The following ERCC3 variants were observed in gnomAD, a reference collection of about 807,000 sequenced individuals.
ERCC3 encodes the protein ERCC excision repair 3, TFIIH core complex helicase subunit, also known as general transcription and DNA repair factor IIH helicase/translocase subunit XPB.
Under a neutral mutation model 94.2 loss-of-function variants are expected in ERCC3, and 66 were observed. The ratio of observed to expected loss-of-function variants is 0.70; its 90% confidence interval spans 0.57 to 0.86. The LOEUF is 0.86. Ranked by LOEUF, ERCC3 falls within the 40% of genes least tolerant of loss-of-function variation. The probability of loss-of-function intolerance (pLI) is 0.00; values close to 1 mark genes in which losing one functional copy is unlikely to be tolerated. For synonymous variants in ERCC3, 349 were observed against 369.1 expected (o/e 0.95, Z 0.63); for missense variants, 829 against 987.1 (o/e 0.84, Z 2.15).
At position 127,257,795 on chromosome 2, in the gene ERCC3, T is replaced by C. The variant is rs1684065352; in HGVS notation, c.2218-68A>G. 2.0e-6 allele frequency: 3 copies of C among 1,536,702 alleles called. No homozygotes were observed. The highest frequency in any genetic ancestry group is 2.7e-6 in the Non-Finnish European group (3 of 1,112,618). On this transcript the variant is annotated intron_variant, in intron 14 of 14. Transcript: ENST00000285398. This position sits in a 1 kb window ranked among gnomAD's most constrained non-coding sequence, Gnocchi z 5.4. ...AAAGATACTCCTTTTATAATACTTA[T>C]AATCACAGCAAATTTTATAAGACTT...
intron 10 of ERCC3, among the ~76,000 whole-genome samples, chr2:127,278,281 G>C (rs918350923): frequency 6.6e-6 from 1 of 151,026 alleles, no homozygotes; most frequent in African/African-American, 2.4e-5. Context: ...GAAATATGAA[G>C]GTAAACAACA....
At chr2:127,287,676 C>A (rs576842329) in intron 7 of ERCC3, among the ~76,000 whole-genome samples, 2 of 152,122 alleles carry the variant, frequency 1.3e-5, no homozygotes, top group South Asian at 4.1e-4. Context: ...CTGAGGAGTA[C>A]TTTACCTTGC....
chr2:127,283,720 A>AC (rs1391077004), intron 8 of ERCC3, among the ~76,000 whole-genome samples: 4 of 152,158 alleles, frequency 2.6e-5, no homozygotes, highest in African/African-American at 7.2e-5. Context: ...CCTCATCAGC[A>AC]CCCGCACATC....
chr2:127,286,796 T>C lies in ERCC3; in HGVS notation c.1249A>G (p.Thr417Ala), dbSNP rs1198677656. Residue 417 changes from threonine (T) to alanine (A), a missense_variant, in exon 8 of 15, where the codon ACC becomes GCC. Transcript: ENST00000285398. ...CGCTCGGCCTCCCAGGACCTTTTGG[T>C]GGTGTGGCCCAGCATGGAGTAGGTG... Reference protein sequence around the residue: ...ISTYSMLGHTTKRSWEAERVM... With the variant: ...ISTYSMLGHTAKRSWEAERVM... 6.2e-7 allele frequency: 1 copy of C among 1,614,188 alleles called. No homozygotes were observed. Among genetic ancestry groups the C allele is most frequent in the South Asian group, 1.1e-5 (1 of 91,086 alleles).
intron 3 of ERCC3, chr2:127,292,283 T>C (rs2104780339): frequency 6.8e-6 from 3 of 438,190 alleles, no homozygotes; most frequent in South Asian, 6.3e-5. Flanking sequence ...TTGGGCTGCA[T>C]TTCCAAATTC....
Position 127,273,409 on chromosome 2 carries a change from A to T in ERCC3, c.1731-448T>A, listed in dbSNP as rs7595477. Among the ~76,000 whole-genome samples, 354 of 152,242 alleles carry T rather than the reference A, an allele frequency of 2.3e-3. 1 individual carries two copies. The highest frequency in any genetic ancestry group is 7.7e-3 in the African/African-American group (321 of 41,542). On this transcript the variant is annotated intron_variant, in intron 10 of 14. Coordinates refer to ENST00000285398, the MANE Select transcript of ERCC3 (RefSeq NM_000122.2). ...AGGAGAAAAGTGCCCTTCAGCCATTATTGTGCTGATTTCCCATAACACTAA... is the reference window on the plus strand; with the variant it reads ...AGGAGAAAAGTGCCCTTCAGCCATTTTTGTGCTGATTTCCCATAACACTAA...
At chr2:127,293,192 C>T (rs1015041599) in intron 2 of ERCC3, among the ~76,000 whole-genome samples, 7 of 152,158 alleles carry the variant, frequency 4.6e-5, no homozygotes, top group African/African-American at 9.7e-5. Context: ...ACATGTCTTC[C>T]ATTATTTGAG....
In ERCC3 at chr2:127,289,786, T is replaced by C. The variant is rs1685203242; in HGVS notation, c.560A>G (p.His187Arg). 4 of 1,614,026 alleles carry C rather than the reference T, an allele frequency of 2.5e-6. No homozygotes were observed. The highest frequency in any genetic ancestry group is 1.1e-5 in the South Asian group (1 of 91,080). The change falls in exon 5 of 15, where the codon CAT (histidine) becomes CGT (arginine). Residue 187 changes from histidine (H) to arginine (R), a missense_variant. Transcript: ENST00000285398. ...TCGGATCACGGGGTCCTGGAGAAGA[T>C]GCTGGATTACATCAGGGTGGCAACT... is the stretch of plus-strand genomic sequence containing the variant. ...VESCHPDVIQ[H>R]LLQDPVIREC... is the part of the protein sequence containing the mutation.
chr2:127,263,098 C>T (rs1215542603), intron 12 of ERCC3, among the ~76,000 whole-genome samples: 1 of 152,172 alleles, frequency 6.6e-6, no homozygotes, highest in East Asian at 1.9e-4. Context: ...ACTGTGAGGC[C>T]TTTGGCTTTG....
At chr2:127,286,393 C>T (rs1210560282) in intron 8 of ERCC3, among the ~76,000 whole-genome samples, 3 of 151,948 alleles carry the variant, frequency 2.0e-5, no homozygotes, top group Non-Finnish European at 4.4e-5. Context: ...TACAAAAATA[C>T]AAAAATTAGC....
In ERCC3 at chr2:127,289,432, C is replaced by T; in HGVS notation, c.727G>A (p.Asp243Asn). The change falls in exon 6 of 15, where the codon GAC (aspartate) becomes AAC (asparagine). Residue 243 changes from aspartate (D) to asparagine (N), a missense_variant. By Grantham distance (23) the Asp-to-Asn change is conservative (BLOSUM62 1). Transcript: ENST00000285398. ...AAGTCAAACAGGTCCATGGGGATGT[C>T]AGATTTACCCTGTGGATCTGTCACT... ...SRVTDPQGKS[D>N]IPMDLFDFYE... 6.2e-7 allele frequency: 1 copy of T among 1,613,190 alleles called. No individual in the cohort carries two copies. The highest frequency in any genetic ancestry group is 1.9e-4 in the Middle Eastern group (1 of 5,360).
chr2:127,267,158 T>C (rs1180178734), intron 12 of ERCC3, among the ~76,000 whole-genome samples: 1 of 152,252 alleles, frequency 6.6e-6, no homozygotes, highest in African/African-American at 2.4e-5. Flanking sequence ...TTGTTAGTTT[T>C]CTGCCTCTAT....
In ERCC3 at chr2:127,271,222, T is replaced by A; in HGVS notation, c.1945+114A>T. Reference sequence around the variant, plus strand: ...GGTCTTTGCTTTGGGATTCTCTCCCTCCAGAGTCTATTTAGCCCCAGGGCA... The same window carrying A: ...GGTCTTTGCTTTGGGATTCTCTCCCACCAGAGTCTATTTAGCCCCAGGGCA... On this transcript the variant is annotated intron_variant, in intron 12 of 14. Transcript: ENST00000285398. The surrounding 1 kb of genome is among the most constrained non-coding windows in gnomAD (Gnocchi z 5.0). 1.3e-6 allele frequency: 1 copy of A among 799,116 alleles called. No individual in the cohort carries two copies. The allele number at this position is 799,116 out of a possible 1,614,324, so 49.5% of individuals were successfully genotyped here. A position where few individuals can be genotyped will look rare whatever the true frequency, so the allele number is the denominator to read the frequency against.
At chr2:127,278,104 G>A (rs1684789007) in intron 10 of ERCC3, among the ~76,000 whole-genome samples, 1 of 152,000 alleles carries the variant, frequency 6.6e-6, no homozygotes, top group Admixed American at 6.6e-5. Context: ...TGGGTGTGGT[G>A]GTGCGTGCCT....
Position 127,271,432 on chromosome 2 carries a change from G to T in ERCC3, c.1849C>A (p.Leu617Met), listed in dbSNP as rs2104748034. Residue 617 changes from leucine to methionine, a missense_variant, in exon 12 of 15, where the codon CTG becomes ATG. Coordinates refer to ENST00000285398, the MANE Select transcript of ERCC3 (RefSeq NM_000122.2). This position sits in a 1 kb window ranked among gnomAD's most constrained non-coding sequence, Gnocchi z 5.0. ...TGAATGAGGACATTTGCTTCCGGCA[G>T]ATCAAACGAAGTGTCACCTACCTAC... is the stretch of plus-strand genomic sequence containing the variant. ...ISKVGDTSFD[L>M]PEANVLIQIS... 6.2e-7 allele frequency: 1 copy of T among 1,613,858 alleles called. No homozygotes were observed. The highest frequency in any genetic ancestry group is 2.2e-5 in the East Asian group (1 of 44,878).
chr2:127,289,946 C>A, intron 4 of ERCC3, 122 bp from the exon 5 acceptor site: 1 of 1,168,250 alleles, frequency 8.6e-7, no homozygotes, highest in Non-Finnish European at 1.3e-6. Flanking sequence ...AACCCTTCGC[C>A]AAATCTGTAC....
intron 6 of ERCC3, 57 bp downstream of exon 6, chr2:127,289,280 G>T (rs1479885855): frequency 2.0e-6 from 3 of 1,500,258 alleles, no homozygotes; most frequent in African/African-American, 1.4e-5. Context: ...CACATGGCTG[G>T]ACTAGCTTCT....
intron 2 of ERCC3, 51 bp downstream of exon 2, chr2:127,293,462 G>C: frequency 1.9e-6 from 3 of 1,540,318 alleles, no homozygotes; most frequent in Non-Finnish European, 2.7e-6. Flanking sequence ...CCAAGATTTA[G>C]CTGCCGCTCC....
At chr2:127,292,464 C>G in intron 3 of ERCC3, 146 bp downstream of exon 3, 1 of 761,000 alleles carries the variant, frequency 1.3e-6, no homozygotes, top group South Asian at 1.4e-5. Flanking sequence ...CAGAGTGTAG[C>G]GGCTGGGGTA....
Sources: allele counts gnomAD v4.1 joint callset (sites outside exome capture counted in the v4.1 genomes callset), GRCh38; gene constraint gnomAD v4.1.1; non-coding constraint Gnocchi (gnomAD v3.1); transcripts MANE v1.5; gene names NCBI Gene and HGNC (gene_info 2026-07-23, HGNC 2026-07-21).